P4HA3: variants seen among roughly 807,000 people sequenced by gnomAD.
The protein encoded by P4HA3 is prolyl 4-hydroxylase subunit alpha-3.
A neutral mutation model predicts 66.7 loss-of-function variants in P4HA3; 60 were observed. That is an observed-to-expected ratio of 0.90 (90% CI 0.73 to 1.12). The LOEUF (loss-of-function observed/expected upper bound fraction) is 1.12, where lower values mean the gene tolerates loss of function less well. Among genes scored for constraint, P4HA3 ranks in the 50% most tolerant of loss-of-function variants. The pLI is 0.00. For synonymous variants in P4HA3, 263 were observed against 274.6 expected, an observed-to-expected ratio of 0.96 and a Z score of 0.42; for missense variants, 683 against 685.8, an observed-to-expected ratio of 1.00 and a Z score of 0.05.
chr11:74,282,226 T>G (rs1470507299), intron 7 of P4HA3, among the ~76,000 whole-genome samples: 1 of 152,172 alleles, frequency 6.6e-6, no homozygotes, highest in Non-Finnish European at 1.5e-5. Flanking sequence ...ATTAATTGTC[T>G]ACCTACCAGT....
intron 15 of P4HA3, chr11:74,251,238 A>T (rs995924121): frequency 7.2e-7 from 1 of 1,392,036 alleles, no homozygotes; most frequent in Non-Finnish European, 9.3e-7. Flanking sequence ...CTGCTATTTC[A>T]TCCCAGGGCC....
At chr11:74,263,769 C>G (rs2135698351), downstream of P4HA3, among the ~76,000 whole-genome samples, 1 of 152,266 alleles carries the variant, frequency 6.6e-6, no homozygotes, top group Non-Finnish European at 1.5e-5. Flanking sequence ...ATAAGTAGTG[C>G]AGTGCCAGAA....
chr11:74,294,184 C>T (rs1426244473), intron 4 of P4HA3, among the ~76,000 whole-genome samples: 3 of 152,178 alleles, frequency 2.0e-5, no homozygotes, highest in African/African-American at 4.8e-5. Context: ...CTCCTCGCTT[C>T]GTTTCATTCA....
At chr11:74,288,089 T>C (rs1355855464) in intron 5 of P4HA3, among the ~76,000 whole-genome samples, 1 of 152,042 alleles carries the variant, frequency 6.6e-6, no homozygotes, top group African/African-American at 2.4e-5. Context: ...AAATAAATAC[T>C]GTATTAAAGA....
intron 1 of P4HA3, among the ~76,000 whole-genome samples, chr11:74,305,809 G>A (rs1861563733): frequency 1.3e-5 from 2 of 152,234 alleles, no homozygotes; most frequent in Middle Eastern, 3.4e-3. Flanking sequence ...AAAGAATGAA[G>A]TATACTCTCC....
chr11:74,301,050 G>A (rs747146148), intron 3 of P4HA3, among the ~76,000 whole-genome samples: 4 of 152,172 alleles, frequency 2.6e-5, no homozygotes, highest in Admixed American at 6.5e-5. Context: ...GTTCAGGATC[G>A]CTGCTACCTG....
At chr11:74,277,731 A>G (rs1258006953) in intron 8 of P4HA3, among the ~76,000 whole-genome samples, 2 of 152,254 alleles carry the variant, frequency 1.3e-5, no homozygotes, top group African/African-American at 2.4e-5. Flanking sequence ...GCCAAACAGC[A>G]GAGTTCAGTC....
At chr11:74,304,228 A>T in intron 2 of P4HA3, 42 bp downstream of exon 2, 5 of 1,606,386 alleles carry the variant, frequency 3.1e-6, no homozygotes, top group Non-Finnish European at 4.3e-6. Flanking sequence ...GAGTCAGGAG[A>T]TAGAATCTTC....
At chr11:74,302,232 T>C (rs755076573) in intron 3 of P4HA3, 137 bp downstream of exon 3, 3 of 864,950 alleles carry the variant, frequency 3.5e-6, no homozygotes, top group Non-Finnish European at 5.3e-6. Context: ...CTTGTTTTCT[T>C]TCTCTGAAAA....
chr11:74,284,756 C>G (rs1166575532), intron 7 of P4HA3, among the ~76,000 whole-genome samples: 1 of 152,100 alleles, frequency 6.6e-6, no homozygotes, highest in Non-Finnish European at 1.5e-5. Context: ...GTTTGTGGCT[C>G]TCCCAGGAAT....
At chr11:74,263,219 T>C (rs1223900062), downstream of P4HA3, among the ~76,000 whole-genome samples, 3 of 152,256 alleles carry the variant, frequency 2.0e-5, no homozygotes, top group African/African-American at 7.2e-5. Context: ...TGGATTCTCA[T>C]GGAGCAGCTA....
At position 74,276,980 on chromosome 11, in the gene P4HA3, A is replaced by G. The variant is rs888417828; in HGVS notation, c.1335+5T>C. ...CAGGGGATTGGTCATTGACTCCACC[A>G]TTACCGTAGCATGGTCAAAGTGAGG... On this transcript the variant is annotated splice_donor_5th_base_variant and intron_variant, in intron 9 of 12. Transcript: ENST00000331597. The G allele has an allele frequency of 2.5e-5, 40 of 1,610,804 alleles. No individual in the cohort carries two copies. Among genetic ancestry groups the G allele is most frequent in the Non-Finnish European group, 3.3e-5 (39 of 1,177,976 alleles).
At position 74,269,728 on chromosome 11, in the gene P4HA3, ACCAG is replaced by A; in HGVS notation, c.1399-12_1399-9del. ...AGCTTCCACCGAGCTCAGCTACAAG[ACCAG>A]AGGAAGAAGCCAGAGTTAAAACTGC... On this transcript the variant is annotated splice_polypyrimidine_tract_variant and intron_variant, in intron 10 of 12. Coordinates refer to ENST00000331597, the MANE Select transcript of P4HA3 (RefSeq NM_182904.5). 6.2e-7 allele frequency: 1 copy of A among 1,613,672 alleles called. No individual in the cohort carries two copies.
chr11:74,302,423 G>A lies in P4HA3; in HGVS notation c.513C>T (p.Tyr171=). 2 of 1,614,132 alleles carry A rather than the reference G, an allele frequency of 1.2e-6. No individual in the cohort carries two copies. Among genetic ancestry groups the A allele is most frequent in the Non-Finnish European group, 1.7e-6 (2 of 1,180,024 alleles). The change falls in exon 3 of 13, where the codon TAC becomes TAT. Residue 171 remains tyrosine, a synonymous_variant. Transcript: ENST00000331597. ...TGAGAGAAAAGAGCCGTTTGGGGCT[G>A]TACAGGTCAGTGATGGCAGAGCCAG... is the stretch of plus-strand genomic sequence containing the variant. ...RVTGSAITDL[Y]SPKRLFSLTG...
chr11:74,285,354 G>A (rs17132914), intron 7 of P4HA3: 7,752 of 152,680 alleles, frequency 0.051, 502 homozygotes, highest in African/African-American at 0.15. Flanking sequence ...GTAAATTTGT[G>A]CTAGGATTTT....
At position 74,268,340 on chromosome 11, in the gene P4HA3, C is replaced by G. The variant is rs556934545; in HGVS notation, c.1468-99G>C. On this transcript the variant is annotated intron_variant, in intron 11 of 12. Transcript: ENST00000331597. ...AAATGCAGGCATGTCATTGAAGAAG[C>G]CTTTCCATGCAGTCTGGGGGCAATG... 3.7e-5 allele frequency: 37 copies of G among 993,332 alleles called. 1 individual carries two copies. In the South Asian group the frequency reaches 4.9e-4, roughly 13 times the overall value. The allele number at this position is 993,332 out of a possible 1,614,324, so 61.5% of individuals were successfully genotyped here.
At position 74,266,805 on chromosome 11, in the gene P4HA3, A is replaced by G. The variant is rs771818126; in HGVS notation, c.*443T>C. On this transcript the variant is annotated 3_prime_UTR_variant, in exon 13 of 13. Transcript: ENST00000331597. ...GGGGGACACTCCCTGCTTGGGCTGCAGCAGAAGGCAGTGGGGAGAAAGTCT... is the reference window on the plus strand; with the variant it reads ...GGGGGACACTCCCTGCTTGGGCTGCGGCAGAAGGCAGTGGGGAGAAAGTCT... 13 of 501,976 alleles carry G rather than the reference A, an allele frequency of 2.6e-5. No individual in the cohort carries two copies. The highest frequency in any genetic ancestry group is 4.5e-5 in the Non-Finnish European group (13 of 286,304). 31.1% of individuals were successfully genotyped at this position (501,976 alleles called of 1,614,324 possible).
chr11:74,262,051 T>C (rs1177991325), downstream of P4HA3, among the ~76,000 whole-genome samples: 4 of 152,180 alleles, frequency 2.6e-5, no homozygotes, highest in African/African-American at 7.2e-5. Context: ...ACAGGAGACA[T>C]GGTGGTCATT....
At chr11:74,284,633 C>T (rs1379684384) in intron 7 of P4HA3, among the ~76,000 whole-genome samples, 1 of 152,174 alleles carries the variant, frequency 6.6e-6, no homozygotes, top group Non-Finnish European at 1.5e-5. Context: ...AAGTGACCCA[C>T]CCAGAGATGT....
Sources: gnomAD v4.1 joint callset for allele counts (sites outside exome capture counted in the v4.1 genomes callset) on GRCh38, gnomAD v4.1.1 for gene constraint, MANE v1.5 for transcripts, NCBI Gene and HGNC (gene_info 2026-07-23, HGNC 2026-07-21) for gene names.